MOK: variants seen among roughly 807,000 people sequenced by gnomAD.
The protein encoded by MOK is MOK protein kinase.
MOK carries 59 observed loss-of-function variants against 54.2 expected under a neutral mutation model. That is an observed-to-expected ratio of 1.09 (90% CI 0.88 to 1.35). The LOEUF (loss-of-function observed/expected upper bound fraction) is 1.35. MOK is among the 40% of genes most tolerant of loss of function. The pLI is 0.00. For missense variants in MOK, 517 were observed against 526.2 expected, an observed-to-expected ratio of 0.98 and a Z score of 0.17; for synonymous variants, 210 against 202.7, an observed-to-expected ratio of 1.04 and a Z score of -0.31.
intron 1 of MOK, among the ~76,000 whole-genome samples, chr14:102,304,598 G>C (rs1296804805): frequency 6.6e-6 from 1 of 152,198 alleles, no homozygotes; most frequent in Non-Finnish European, 1.5e-5. Flanking sequence ...TTCAGGAAAA[G>C]AGTGTCAGGT....
At chr14:102,227,061 C>T (rs943744280), downstream of MOK, among the ~76,000 whole-genome samples, 4 of 152,148 alleles carry the variant, frequency 2.6e-5, no homozygotes, top group Non-Finnish European at 5.9e-5. Flanking sequence ...GCTGCCCCCA[C>T]CACGAGGAGT....
At chr14:102,224,235 T>A (rs1404197016), downstream of MOK, among the ~76,000 whole-genome samples, 1 of 151,788 alleles carries the variant, frequency 6.6e-6, no homozygotes, top group East Asian at 1.9e-4. Context: ...AGAGATGGGG[T>A]TTCACCATGT....
rs201372845 is a variant in MOK at position 102,233,735 on chromosome 14, G to A, written c.645C>T (p.His215=). ...VNELDQISKI[H]DVIGTPAQKI... is the part of the protein sequence containing the mutation. ...TCTGAGCGGGTGTGCCGATGACATCGTGGATTTTTGAGATTTGGTCCAGTT... is the reference window on the plus strand; with the variant it reads ...TCTGAGCGGGTGTGCCGATGACATCATGGATTTTTGAGATTTGGTCCAGTT... Residue 215 remains histidine (H), a synonymous_variant, in exon 8 of 12, where the codon CAC becomes CAT. Transcript: ENST00000361847. 1.2e-5 allele frequency: 20 copies of A among 1,614,132 alleles called. No homozygotes were observed. The highest frequency in any genetic ancestry group is 1.4e-5 in the Non-Finnish European group (17 of 1,179,984).
intron 2 of MOK, among the ~76,000 whole-genome samples, chr14:102,274,645 T>A (rs994081256): frequency 7.2e-5 from 11 of 151,770 alleles, no homozygotes; most frequent in Non-Finnish European, 1.3e-4. Context: ...TGTATGTGGA[T>A]GTACAGAGGA....
intron 2 of MOK, among the ~76,000 whole-genome samples, chr14:102,275,381 G>A (rs545915724): frequency 3.2e-4 from 49 of 152,176 alleles, no homozygotes; most frequent in South Asian, 1.9e-3. Context: ...TGGCTAACAC[G>A]GTGAAACCCC....
intron 1 of MOK, among the ~76,000 whole-genome samples, chr14:102,295,390 A>T (rs1255902925): frequency 6.6e-6 from 1 of 152,230 alleles, no homozygotes; most frequent in Non-Finnish European, 1.5e-5. Flanking sequence ...GGTCAAATTC[A>T]CTTTTTGTGA....
chr14:102,242,695 TCCC>T (rs2065810807), intron 7 of MOK, among the ~76,000 whole-genome samples: 1 of 151,982 alleles, frequency 6.6e-6, no homozygotes, highest in African/African-American at 2.4e-5. Context: ...TCCTTACAAT[TCCC>T]CCATTTTCCC....
At chr14:102,220,204 G>A (rs1368870682), downstream of MOK, among the ~76,000 whole-genome samples, 2 of 152,144 alleles carry the variant, frequency 1.3e-5, no homozygotes, top group African/African-American at 2.4e-5. This position sits in a 1 kb window ranked among gnomAD's most constrained non-coding sequence, Gnocchi z 4.2. Context: ...GAAAGCAGCC[G>A]AGTCCTCTGG....
At chr14:102,276,207 G>A (rs1006834727) in intron 2 of MOK, among the ~76,000 whole-genome samples, 4 of 152,108 alleles carry the variant, frequency 2.6e-5, no homozygotes, top group African/African-American at 7.2e-5. Context: ...GCTACAGGCC[G>A]GGCGTGGTGG....
In MOK at chr14:102,249,089, C is replaced by T. The variant is rs114863599; in HGVS notation, c.590+1723G>A. Among the ~76,000 whole-genome samples the T allele has an allele frequency of 5.0e-3, 762 of 152,158 alleles. 7 individuals carry two copies. The highest frequency in any genetic ancestry group is 0.017 in the African/African-American group (701 of 41,528). On this transcript the variant is annotated intron_variant, in intron 7 of 11. Transcript: ENST00000361847. The surrounding 1 kb of genome is among the most constrained non-coding windows in gnomAD (Gnocchi z 5.3). ...ACGGAACACGAGGAACTCAGCCTGG[C>T]GTGTGCAGCGACCTTAGCTGCTGGG... is the stretch of plus-strand genomic sequence containing the variant.
rs138293510 is a variant in MOK, at chr14:102,287,264, T to C, written c.8-3672A>G. Among the ~76,000 whole-genome samples the C allele has an allele frequency of 5.7e-3, 859 of 152,008 alleles. 18 individuals carry two copies. The highest frequency in any genetic ancestry group is 0.035 in the East Asian group (180 of 5,148). ...CAGGCAGATTACCTGAGGTCAGGAGTTCGAGACCAGCCTGGCCAACATGGC... is the reference window on the plus strand; with the variant it reads ...CAGGCAGATTACCTGAGGTCAGGAGCTCGAGACCAGCCTGGCCAACATGGC... On this transcript the variant is annotated intron_variant, in intron 1 of 11. Transcript: ENST00000361847.
rs143090309 is a variant in MOK at position 102,234,228 on chromosome 14, ATCTC to A, written c.591-443_591-440del. 3.2e-3 allele frequency: 522 copies of A among 162,244 alleles called. 2 individuals carry two copies. The highest frequency in any genetic ancestry group is 5.6e-3 in the African/African-American group (229 of 40,680). The allele number at this position is 162,244 out of a possible 1,614,324, so 10.1% of individuals were successfully genotyped here. On this transcript the variant is annotated intron_variant, in intron 7 of 11. Transcript: ENST00000361847. ...TCTGGCCAGGACTCGCTCACTATCAATCTCTCTCTCTCTCTCTTTTTCTCTCTCT... is the reference window on the plus strand; with the variant it reads ...TCTGGCCAGGACTCGCTCACTATCAATCTCTCTCTCTCTTTTTCTCTCTCT...
At chr14:102,303,405 A>G (rs2072458363) in intron 1 of MOK, among the ~76,000 whole-genome samples, 1 of 152,208 alleles carries the variant, frequency 6.6e-6, no homozygotes, top group Non-Finnish European at 1.5e-5. Flanking sequence ...TTCTTTAAAA[A>G]TGTCATTTGG....
At chr14:102,247,665 A>G (rs1311121084) in intron 7 of MOK, among the ~76,000 whole-genome samples, 1 of 152,232 alleles carries the variant, frequency 6.6e-6, no homozygotes, top group Non-Finnish European at 1.5e-5. Flanking sequence ...TAGATTCTTT[A>G]GCAGCAGCGC....
intron 2 of MOK, among the ~76,000 whole-genome samples, chr14:102,279,522 TC>T (rs2069198691): frequency 6.6e-6 from 1 of 152,142 alleles, no homozygotes; most frequent in African/African-American, 2.4e-5. Context: ...CCCAGGCTGG[TC>T]TTTAACTTCC....
rs1191256102 is a variant in MOK, at chr14:102,245,469, A to T, written c.590+5343T>A. 6.6e-6 allele frequency among the ~76,000 whole-genome samples: 1 copy of T among 152,140 alleles called. No homozygotes were observed. The highest frequency in any genetic ancestry group is 1.9e-4 in the East Asian group (1 of 5,196). ...TGGCCTGAAGCAAGTGAAGAATCAC[A>T]AAAGAAGTGAAAATGGCCGGTCCCT... On this transcript the variant is annotated intron_variant, in intron 7 of 11. Coordinates refer to ENST00000361847, the MANE Select transcript of MOK (RefSeq NM_014226.3). This position sits in a 1 kb window ranked among gnomAD's most constrained non-coding sequence, Gnocchi z 4.3.
In MOK at chr14:102,233,143, CAAAA is replaced by C. The variant is rs572663934; in HGVS notation, c.693-439_693-436del. On this transcript the variant is annotated intron_variant, in intron 8 of 11. Coordinates refer to ENST00000361847, the MANE Select transcript of MOK (RefSeq NM_014226.3). ...ATGAGAAGAATGAAATAAAATTTAA[CAAAA>C]AAAGAAGAGTCCAAAATGGTTGCCA... 48 of 152,964 alleles carry C rather than the reference CAAAA, an allele frequency of 3.1e-4. 1 individual carries two copies. The South Asian group carries it at 9.6e-3, about 31-fold the overall frequency. 9.5% of individuals were successfully genotyped at this position (152,964 alleles called of 1,614,324 possible). A position where few individuals can be genotyped will look rare whatever the true frequency, so the allele number is the denominator to read the frequency against.
intron 4 of MOK, among the ~76,000 whole-genome samples, chr14:102,256,448 T>C (rs181100734): frequency 6.6e-6 from 1 of 151,460 alleles, no homozygotes; most frequent in African/African-American, 2.4e-5. Flanking sequence ...GTGGCGGGTG[T>C]CTGTAGTCCC....
At chr14:102,217,046 C>T in the MOK span, among the ~76,000 whole-genome samples, 5 of 152,204 alleles carry the variant, frequency 3.3e-5, no homozygotes, top group East Asian at 3.9e-4. Context: ...AGCTCCCTAC[C>T]ACCCCTTCCA....
Sources: gnomAD v4.1 joint callset for allele counts (sites outside exome capture counted in the v4.1 genomes callset) on GRCh38, gnomAD v4.1.1 for gene constraint, Gnocchi (gnomAD v3.1) non-coding constraint, MANE v1.5 for transcripts, NCBI Gene and HGNC (gene_info 2026-07-23, HGNC 2026-07-21) for gene names.